Variants in MICAL3 observed in about 807,000 individuals in gnomAD.
MICAL3 encodes the protein microtubule associated monooxygenase, calponin and LIM domain containing 3.
In MICAL3, 62 loss-of-function variants were observed where a neutral mutation model predicts 207.4. The ratio of observed to expected loss-of-function variants is 0.30; its 90% CI spans 0.24 to 0.37. The LOEUF is 0.37. MICAL3 is among the 10% of genes least tolerant of loss of function. The pLI, the probability that MICAL3 is intolerant of heterozygous loss-of-function variation, is 1.00. For synonymous variants in MICAL3, 1,077 were observed against 1,069.3 expected, an observed-to-expected ratio of 1.01 and a Z score of -0.14; for missense variants, 2,368 against 2,635.6, an observed-to-expected ratio of 0.90 and a Z score of 2.22.
At chr22:17,847,846 G>A (rs1282055017) in intron 19 of MICAL3, among the ~76,000 whole-genome samples, 1 of 152,134 alleles carries the variant, frequency 6.6e-6, no homozygotes, top group Non-Finnish European at 1.5e-5. Flanking sequence ...TTACGTTTTT[G>A]TAGGAATAGG....
chr22:17,895,280 T>C lies in MICAL3; in HGVS notation c.1449+4A>G. The C allele has an allele frequency of 6.2e-7, 1 of 1,613,284 alleles. No homozygotes were observed. The highest frequency in any genetic ancestry group is 2.2e-5 in the East Asian group (1 of 44,870). On this transcript the variant is annotated splice_donor_region_variant and intron_variant, in intron 10 of 31. Coordinates refer to ENST00000441493, the MANE Select transcript of MICAL3 (RefSeq NM_015241.3). ...AGATGTAAATACTGACAAGAAGGTCTTACCTGGCTTGGCCGGAGGAAGTTG... is the reference window on the plus strand; with the variant it reads ...AGATGTAAATACTGACAAGAAGGTCCTACCTGGCTTGGCCGGAGGAAGTTG...
chr22:17,801,595 A>G (rs2061940120), intron 29 of MICAL3, among the ~76,000 whole-genome samples: 1 of 152,154 alleles, frequency 6.6e-6, no homozygotes, highest in Non-Finnish European at 1.5e-5. Flanking sequence ...GGGCGGGTAA[A>G]GAAAGCAGGA....
rs1441160265 is a variant in MICAL3, at chr22:17,996,308, G to A, written c.-75+27973C>T. The stretch of plus-strand genomic sequence containing the variant: ...AAATACAGAAAATTAGCCGGGCATG[G>A]TGGCAGGTGCCTGTAGTCCCAGCTA... On this transcript the variant is annotated intron_variant, in intron 1 of 31. Transcript: ENST00000441493. 2.6e-5 allele frequency among the ~76,000 whole-genome samples: 4 copies of A among 151,900 alleles called. No homozygotes were observed. In the South Asian group the frequency reaches 6.2e-4, roughly 24 times the overall value.
intron 19 of MICAL3, chr22:17,860,372 A>G (rs979670999): frequency 6.5e-5 from 64 of 985,376 alleles, no homozygotes; most frequent in Non-Finnish European, 7.3e-5. Context: ...GTAGACAGGC[A>G]GCAGTGGCGT....
intron 7 of MICAL3, among the ~76,000 whole-genome samples, chr22:17,898,842 G>C (rs1931090518): frequency 6.6e-6 from 1 of 152,170 alleles, no homozygotes; most frequent in Admixed American, 6.5e-5. Context: ...ATGGAGCTCA[G>C]ACCTGTTCTG....
intron 16 of MICAL3, chr22:17,876,844 TTA>T: frequency 7.3e-6 from 1 of 136,252 alleles, no homozygotes; most frequent in African/African-American, 3.1e-5. Flanking sequence ...GTTAGGGAGG[TTA>T]GGGAGGTTAT....
intron 7 of MICAL3, among the ~76,000 whole-genome samples, chr22:17,897,473 G>A (rs948203889): frequency 6.8e-6 from 1 of 147,562 alleles, no homozygotes; most frequent in African/African-American, 2.5e-5. Flanking sequence ...GATTATTCCC[G>A]AGAGAACATA....
chr22:17,956,440 G>A (rs1247764601), intron 1 of MICAL3, among the ~76,000 whole-genome samples: 1 of 152,190 alleles, frequency 6.6e-6, no homozygotes, highest in South Asian at 2.1e-4. Flanking sequence ...TTGGGAGGCC[G>A]AGGCGGGCCT....
At position 17,898,443 on chromosome 22, in the gene MICAL3, T is replaced by C. The variant is rs1602174987; in HGVS notation, c.948+1005A>G. On this transcript the variant is annotated intron_variant, in intron 7 of 31. Transcript: ENST00000441493. ...TGCTGAGAAACACACGCAAGGTTCC[T>C]GGGTAGAAAGAGGGGGCTCTCTGCC... Among the ~76,000 whole-genome samples the C allele has an allele frequency of 2.6e-5, 4 of 152,220 alleles. No homozygotes were observed. The South Asian group carries it at 8.3e-4, about 32-fold the overall frequency.
chr22:18,004,183 GCTTA>G (rs2146494365), intron 1 of MICAL3: 1 of 152,208 alleles, frequency 6.6e-6, no homozygotes, highest in South Asian at 2.1e-4. Flanking sequence ...GAAGCTGCTA[GCTTA>G]CAGAGCTTCC....
At chr22:17,962,241 C>T (rs567127964) in intron 1 of MICAL3, among the ~76,000 whole-genome samples, 3 of 146,626 alleles carry the variant, frequency 2.0e-5, no homozygotes, top group South Asian at 2.2e-4. Flanking sequence ...AGTGCGAAAG[C>T]GAACAAGCAA....
chr22:17,942,862 C>T (rs1319822344), intron 1 of MICAL3, among the ~76,000 whole-genome samples: 1 of 152,226 alleles, frequency 6.6e-6, no homozygotes, highest in African/African-American at 2.4e-5. Context: ...TTCCCAGCTG[C>T]ACGACCGTCC....
chr22:17,792,746 T>C (rs1448472708), intron 29 of MICAL3, among the ~76,000 whole-genome samples: 1 of 151,998 alleles, frequency 6.6e-6, no homozygotes. Flanking sequence ...CCCAAGGGGG[T>C]TCCTGCCCCT....
intron 1 of MICAL3, among the ~76,000 whole-genome samples, chr22:17,997,586 G>T (rs60257219): frequency 2.6e-5 from 4 of 152,084 alleles, no homozygotes; most frequent in Admixed American, 1.3e-4. Flanking sequence ...GGGCTCTCAG[G>T]CCTGCCCATT....
chr22:17,893,588 A>G (rs191152417), intron 11 of MICAL3, among the ~76,000 whole-genome samples: 1 of 152,280 alleles, frequency 6.6e-6, no homozygotes, highest in East Asian at 1.9e-4. Flanking sequence ...GATGTTCAGC[A>G]GCATCCCTGG....
At chr22:17,878,399 C>G (rs917920525) in intron 16 of MICAL3, among the ~76,000 whole-genome samples, 1 of 152,204 alleles carries the variant, frequency 6.6e-6, no homozygotes. Flanking sequence ...ACCCCCACCT[C>G]CAGCCCAGTC....
rs775785577 is a variant in MICAL3, at chr22:17,817,475, A to G, written c.5186T>C (p.Leu1729Pro). The change falls in exon 26 of 32, where the codon CTA (leucine) becomes CCA (proline). Residue 1729 changes from leucine to proline, a missense_variant. By Grantham distance (98) the Leu-to-Pro change is moderately conservative. Coordinates refer to ENST00000441493, the MANE Select transcript of MICAL3 (RefSeq NM_015241.3). The part of the protein sequence containing the change: ...RPPEKPSSNL[L>P]EEAAAKPKSL... Reference sequence around the variant, plus strand: ...CTTGGGTTTGGCGGCGGCTTCTTCTAGGAGGTTGGAGCTGGGCTTCTCCGG... The same window carrying G: ...CTTGGGTTTGGCGGCGGCTTCTTCTGGGAGGTTGGAGCTGGGCTTCTCCGG... 1 of 1,613,648 alleles carries G rather than the reference A, an allele frequency of 6.2e-7. No individual in the cohort carries two copies. Among genetic ancestry groups the G allele is most frequent in the Admixed American group, 1.7e-5 (1 of 60,010 alleles).
intron 16 of MICAL3, among the ~76,000 whole-genome samples, chr22:17,877,446 G>GTTATGGAGGTTAGGGAGA (rs1602125322): frequency 3.4e-5 from 4 of 116,558 alleles, no homozygotes; most frequent in Admixed American, 8.0e-5. Flanking sequence ...GGTGAGGGAG[G>GTTATGGAGGTTAGGGAGA]TTATGGAGGT....
chr22:17,898,796 G>A (rs1931086600), intron 7 of MICAL3, among the ~76,000 whole-genome samples: 1 of 152,218 alleles, frequency 6.6e-6, no homozygotes, highest in African/African-American at 2.4e-5. Context: ...ACACCATGCA[G>A]TCACCTAGAA....
Sources: allele counts gnomAD v4.1 joint callset (sites outside exome capture counted in the v4.1 genomes callset), GRCh38; gene constraint gnomAD v4.1.1; transcripts MANE v1.5; gene names NCBI Gene and HGNC (gene_info 2026-07-23, HGNC 2026-07-21).